ZNF268: variants seen among roughly 807,000 people sequenced by gnomAD.
ZNF268 encodes the protein zinc finger protein 3.
ZNF268 carries 20 observed loss-of-function variants against 29.3 expected under a neutral mutation model. The ratio of observed to expected loss-of-function variants is 0.68; its 90% CI spans 0.48 to 0.99. ZNF268 has a LOEUF of 0.99. Among genes scored for constraint, ZNF268 ranks in the 50% least tolerant of loss-of-function variants. ZNF268 has a pLI of 0.00. For missense variants in ZNF268, 1,240 were observed against 1,121.6 expected (o/e 1.11, Z -1.51); for synonymous variants, 429 against 376.9 (o/e 1.14, Z -1.60).
rs760830978 is a variant in ZNF268 at position 133,210,769 on chromosome 12, T to C, written c.*6239T>C. 12 of 452,438 alleles carry C rather than the reference T, an allele frequency of 2.7e-5. 1 individual carries two copies. The highest frequency in any genetic ancestry group is 1.2e-4 in the South Asian group (8 of 64,454). The allele number at this position is 452,438 out of a possible 1,614,324, so 28.0% of individuals were successfully genotyped here. On this transcript the variant is annotated 3_prime_UTR_variant, in exon 6 of 6. Transcript: ENST00000536435. ...GTCTTTACTGTGATGCAGCCTCTAG[T>C]GATCCCCAGGTCCTGAGTAGAAGGA... is the stretch of plus-strand genomic sequence containing the variant.
Position 133,208,786 on chromosome 12 carries a change from T to C in ZNF268, c.*4256T>C. On this transcript the variant is annotated 3_prime_UTR_variant, in exon 6 of 6. Transcript: ENST00000536435. ...AAACAACTGCCATGAATTGGAGATG[T>C]GATCGTGTAATTAGGAAACCCAAAA... 1 of 152,116 alleles carries C rather than the reference T, an allele frequency of 6.6e-6. No individual in the cohort carries two copies. Among genetic ancestry groups the C allele is most frequent in the Non-Finnish European group, 1.5e-5 (1 of 68,026 alleles). 9.4% of individuals were successfully genotyped at this position (152,116 alleles called of 1,614,324 possible). A position where few individuals can be genotyped will look rare whatever the true frequency, so the allele number is the denominator to read the frequency against.
In ZNF268 at chr12:133,193,900, C is replaced by CT. The variant is rs397969351; in HGVS notation, c.457+1900dup. Among the ~76,000 whole-genome samples the CT allele has an allele frequency of 4.0e-3, 606 of 152,264 alleles. 4 individuals are homozygous for CT. Among genetic ancestry groups the CT allele is most frequent in the African/African-American group, 0.014 (583 of 41,550 alleles). On this transcript the variant is annotated intron_variant, in intron 5 of 5. Coordinates refer to ENST00000536435, the MANE Select transcript of ZNF268 (RefSeq NM_003415.3). ...CACCTACATACCACCTTCTTTTCATCTTTCTTCTCTTTGTTTATCCTGTTT... is the reference window on the plus strand; with the variant it reads ...CACCTACATACCACCTTCTTTTCATCTTTTCTTCTCTTTGTTTATCCTGTTT...
chr12:133,196,095 AG>A (rs909841160), intron 5 of ZNF268, among the ~76,000 whole-genome samples: 4 of 150,556 alleles, frequency 2.7e-5, no homozygotes, highest in African/African-American at 9.7e-5. Context: ...AGGCTGAGGC[AG>A]GTGGATCACG....
In ZNF268 at chr12:133,202,318, A is replaced by AATAT. The variant is rs1269003952; in HGVS notation, c.636_639dup (p.Asp214TyrfsTer5). The stretch of plus-strand genomic sequence containing the variant: ...TGTGGCACGCATGGAAAGAGTTTGA[A>AATAT]ATATATAGATTTCACTAGTGATTAT... On this transcript the variant is annotated frameshift_variant, in exon 6 of 6. Coordinates refer to ENST00000536435, the MANE Select transcript of ZNF268 (RefSeq NM_003415.3). LOFTEE classifies it low-confidence loss of function (END_TRUNC). 6.2e-7 allele frequency: 1 copy of AATAT among 1,612,336 alleles called. No individual in the cohort carries two copies. The highest frequency in any genetic ancestry group is 8.5e-7 in the Non-Finnish European group (1 of 1,179,146).
chr12:133,204,588 A>G lies in ZNF268; in HGVS notation c.*58A>G, dbSNP rs1956851771. 3.1e-6 allele frequency: 4 copies of G among 1,274,744 alleles called. No homozygotes were observed. The Admixed American group carries it at 8.8e-5, about 28-fold the overall frequency. 79.0% of individuals were successfully genotyped at this position (1,274,744 alleles called of 1,614,324 possible). On this transcript the variant is annotated 3_prime_UTR_variant, in exon 6 of 6. Coordinates refer to ENST00000536435, the MANE Select transcript of ZNF268 (RefSeq NM_003415.3). ...AAGAGATAGAAACAATCATATATAA[A>G]GAGAAACTCTGTAAGTGGAATCATC...
chr12:133,186,967 T>C (rs1214440114), intron 2 of ZNF268, among the ~76,000 whole-genome samples: 1 of 152,212 alleles, frequency 6.6e-6, no homozygotes, highest in Non-Finnish European at 1.5e-5. Flanking sequence ...TAAGAGTATA[T>C]ATTGATCATT....
intron 1 of ZNF268, 82 bp from the exon 2 acceptor site, chr12:133,181,864 C>G: frequency 1.2e-6 from 1 of 862,666 alleles, no homozygotes; most frequent in Non-Finnish European, 1.9e-6. Flanking sequence ...GAATGGCAGG[C>G]AGCCCTGGTG....
chr12:133,193,694 A>G (rs1355387435), intron 5 of ZNF268, among the ~76,000 whole-genome samples: 1 of 152,190 alleles, frequency 6.6e-6, no homozygotes, highest in African/African-American at 2.4e-5. Flanking sequence ...TAGAGGGGAC[A>G]CATTCAAACC....
In ZNF268 at chr12:133,187,648, G is replaced by A. The variant is rs77208508; in HGVS notation, c.34-224G>A. ...TCTCTAGCTTTGCTGTTTGAGGGTCGTACCTGTATTTTTATCATGAAGGGC... is the reference window on the plus strand; with the variant it reads ...TCTCTAGCTTTGCTGTTTGAGGGTCATACCTGTATTTTTATCATGAAGGGC... On this transcript the variant is annotated intron_variant, in intron 2 of 5. Coordinates refer to ENST00000536435, the MANE Select transcript of ZNF268 (RefSeq NM_003415.3). Among the ~76,000 whole-genome samples the A allele has an allele frequency of 4.2e-3, 635 of 152,184 alleles. 8 individuals carry two copies. The highest frequency in any genetic ancestry group is 0.015 in the African/African-American group (611 of 41,526).
In ZNF268 at chr12:133,203,606, T is replaced by C; in HGVS notation, c.1920T>C (p.Tyr640=). The C allele has an allele frequency of 6.4e-7, 1 of 1,569,896 alleles. No individual in the cohort carries two copies. Among genetic ancestry groups the C allele is most frequent in the Non-Finnish European group, 8.6e-7 (1 of 1,160,996 alleles). Residue 640 remains tyrosine (Y), a synonymous_variant, in exon 6 of 6, where the codon TAT becomes TAC. Transcript: ENST00000536435. ...GAACTCATACAGGAGAGAAACCCTA[T>C]AGTTGTAATGAATGTGGAAAAGCCT... ...HQRTHTGEKP[Y]SCNECGKAFT...
At chr12:133,200,463 T>G (rs2135517168) in intron 5 of ZNF268, among the ~76,000 whole-genome samples, 1 of 152,366 alleles carries the variant, frequency 6.6e-6, no homozygotes, top group East Asian at 1.9e-4. Context: ...TGGTCAATTT[T>G]GGAATAGGTG....
rs36187573 is a variant in ZNF268, at chr12:133,211,218, A to AG, written c.*6688_*6689insG. The AG allele has an allele frequency of 2.8e-6, 1 of 354,138 alleles. No individual in the cohort carries two copies. Among genetic ancestry groups the AG allele is most frequent in the African/African-American group, 2.1e-5 (1 of 46,584 alleles). 21.9% of individuals were successfully genotyped at this position (354,138 alleles called of 1,614,324 possible). A position where few individuals can be genotyped will look rare whatever the true frequency, so the allele number is the denominator to read the frequency against. ...TTTGTATGCAAAATATAAAAAAAAAACCCTAAAATTGAACAAGAAGACAAC... is the reference window on the plus strand; with the variant it reads ...TTTGTATGCAAAATATAAAAAAAAAAGCCCTAAAATTGAACAAGAAGACAAC... On this transcript the variant is annotated 3_prime_UTR_variant, in exon 6 of 6. Coordinates refer to ENST00000536435, the MANE Select transcript of ZNF268 (RefSeq NM_003415.3).
At chr12:133,195,917 T>G (rs1000363311) in intron 5 of ZNF268, among the ~76,000 whole-genome samples, 1 of 151,406 alleles carries the variant, frequency 6.6e-6, no homozygotes, top group Non-Finnish European at 1.5e-5. Flanking sequence ...TTCACCATGT[T>G]GATCAGGCTG....
In ZNF268 at chr12:133,205,669, A is replaced by C. The variant is rs147350908; in HGVS notation, c.*1139A>C. ...TTTAGGGCTATCTTCTGCCCTTTGGAAGCAGTCTTGGCAGCAACCTCTTTA... is the reference window on the plus strand; with the variant it reads ...TTTAGGGCTATCTTCTGCCCTTTGGCAGCAGTCTTGGCAGCAACCTCTTTA... On this transcript the variant is annotated 3_prime_UTR_variant, in exon 6 of 6. Coordinates refer to ENST00000536435, the MANE Select transcript of ZNF268 (RefSeq NM_003415.3). The C allele has an allele frequency of 2.6e-4, 39 of 152,310 alleles. No homozygotes were observed. Among genetic ancestry groups the C allele is most frequent in the African/African-American group, 9.4e-4 (39 of 41,568 alleles). 9.4% of individuals were successfully genotyped at this position (152,310 alleles called of 1,614,324 possible).
intron 5 of ZNF268, among the ~76,000 whole-genome samples, chr12:133,201,327 T>C (rs929571687): frequency 1.3e-5 from 2 of 152,044 alleles, no homozygotes; most frequent in African/African-American, 4.8e-5. Flanking sequence ...GCTGTGCAAT[T>C]TTTATCCTGG....
intron 5 of ZNF268, among the ~76,000 whole-genome samples, chr12:133,197,842 A>C (rs1423344941): frequency 6.6e-6 from 1 of 152,086 alleles, no homozygotes; most frequent in East Asian, 1.9e-4. Flanking sequence ...TCTTCTTTTG[A>C]GAAGTGTCTG....
chr12:133,203,600 AC>A lies in ZNF268; in HGVS notation c.1917del (p.Tyr640IlefsTer26), dbSNP rs1956813553. The A allele has an allele frequency of 2.5e-6, 4 of 1,570,202 alleles. No individual in the cohort carries two copies. The East Asian group carries it at 9.4e-5, about 37-fold the overall frequency. On this transcript the variant is annotated frameshift_variant, in exon 6 of 6. Transcript: ENST00000536435. LOFTEE classifies it low-confidence loss of function (END_TRUNC). ...VHQRTHTGEKPYSCNECGKAF... is the reference protein window; with the variant it reads ...VHQRTHTGEKXYSCNECGKAF... The stretch of plus-strand genomic sequence containing the variant: ...ATCAGAGAACTCATACAGGAGAGAA[AC>A]CCTATAGTTGTAATGAATGTGGAAA...
chr12:133,189,962 C>T (rs1956424092), intron 3 of ZNF268, among the ~76,000 whole-genome samples: 1 of 151,616 alleles, frequency 6.6e-6, no homozygotes, highest in Non-Finnish European at 1.5e-5. Context: ...CATGTGCCAC[C>T]ATGCCCGGCT....
intron 2 of ZNF268, among the ~76,000 whole-genome samples, chr12:133,183,167 GC>G (rs1165337933): frequency 6.6e-6 from 1 of 152,196 alleles, no homozygotes; most frequent in Non-Finnish European, 1.5e-5. Flanking sequence ...GCACCCGACT[GC>G]CCGTCCATGG....
Sources: gnomAD v4.1 joint callset for allele counts (sites outside exome capture counted in the v4.1 genomes callset) on GRCh38, gnomAD v4.1.1 for gene constraint, MANE v1.5 for transcripts, NCBI Gene and HGNC (gene_info 2026-07-23, HGNC 2026-07-21) for gene names.